The following STAG1 variants were observed in gnomAD, a reference collection of about 807,000 sequenced individuals.
The protein encoded by STAG1 is STAG1 cohesin complex component.
In STAG1, 26 loss-of-function variants were observed where a neutral mutation model predicts 170.9. The ratio of observed to expected loss-of-function variants is 0.15; its 90% CI spans 0.11 to 0.21. The LOEUF (loss-of-function observed/expected upper bound fraction) is 0.21, where lower values mean the gene tolerates loss of function less well. Among genes scored for constraint, STAG1 ranks in the 10% least tolerant of loss-of-function variants. STAG1 has a pLI of 1.00. For missense variants in STAG1, 964 were observed against 1,509.5 expected (o/e 0.64, Z 5.99); for synonymous variants, 514 against 497.7 (o/e 1.03, Z -0.44).
At chr3:136,382,840 G>T (rs1938051969) in intron 22 of STAG1, among the ~76,000 whole-genome samples, 1 of 152,148 alleles carries the variant, frequency 6.6e-6, no homozygotes, top group South Asian at 2.1e-4. Context: ...TAATTTAATT[G>T]TAACTATATT....
At chr3:136,466,732 A>G (rs1227458975) in intron 12 of STAG1, among the ~76,000 whole-genome samples, 1 of 152,202 alleles carries the variant, frequency 6.6e-6, no homozygotes, top group Non-Finnish European at 1.5e-5. Context: ...TGAAGGAAAA[A>G]ATGTTAAGGG....
rs1940308941 is a variant in STAG1, at chr3:136,630,976, G to A, written c.-78C>T. ...CAAAACTTTTAAAATAACCTCAAAG[G>A]CAATCCTGTCAATTAAAAAAAAGAA... is the stretch of plus-strand genomic sequence containing the variant. On this transcript the variant is annotated 5_prime_UTR_variant, in exon 2 of 34. Coordinates refer to ENST00000383202, the MANE Select transcript of STAG1 (RefSeq NM_005862.3). 1 of 1,296,122 alleles carries A rather than the reference G, an allele frequency of 7.7e-7. No homozygotes were observed. Among genetic ancestry groups the A allele is most frequent in the Non-Finnish European group, 1.1e-6 (1 of 949,200 alleles). 80.3% of individuals were successfully genotyped at this position (1,296,122 alleles called of 1,614,324 possible).
intron 5 of STAG1, among the ~76,000 whole-genome samples, chr3:136,558,284 A>G (rs1936702807): frequency 6.6e-6 from 1 of 151,998 alleles, no homozygotes; most frequent in Non-Finnish European, 1.5e-5. Flanking sequence ...CCCAGCTACT[A>G]GGGGGGCTGA....
At chr3:136,715,797 A>G (rs1943525673) in intron 1 of STAG1, among the ~76,000 whole-genome samples, 1 of 151,836 alleles carries the variant, frequency 6.6e-6, no homozygotes, top group Non-Finnish European at 1.5e-5. Flanking sequence ...TATAAAACAT[A>G]TATATAAACT....
intron 3 of STAG1, among the ~76,000 whole-genome samples, chr3:136,621,526 G>A (rs1183488521): frequency 6.6e-6 from 1 of 152,068 alleles, no homozygotes; most frequent in Non-Finnish European, 1.5e-5. Context: ...CCCAAAATAC[G>A]TTTGTAAAGA....
intron 16 of STAG1, among the ~76,000 whole-genome samples, chr3:136,424,174 T>C (rs2088042391): frequency 1.3e-5 from 2 of 152,176 alleles, no homozygotes. Flanking sequence ...ATCTACCAAC[T>C]ACTGTGTTTA....
At chr3:136,498,053 G>A (rs1933218359) in intron 9 of STAG1, among the ~76,000 whole-genome samples, 1 of 149,382 alleles carries the variant, frequency 6.7e-6, no homozygotes, top group South Asian at 2.1e-4. Context: ...TTAGCTGGGC[G>A]TGGCAGAGCA....
intron 27 of STAG1, 64 bp downstream of exon 27, chr3:136,359,084 A>C (rs1936762437): frequency 7.4e-7 from 1 of 1,348,800 alleles, no homozygotes; most frequent in Non-Finnish European, 1.0e-6. Context: ...GGGTCATATA[A>C]GAGTTATTTC....
At chr3:136,649,519 AAAAG>A (rs1365791154) in intron 1 of STAG1, among the ~76,000 whole-genome samples, 4 of 151,516 alleles carry the variant, frequency 2.6e-5, no homozygotes, top group African/African-American at 7.3e-5. Context: ...AAAAAAAAAA[AAAAG>A]AAAGGGTCCA....
chr3:136,663,923 C>G (rs1263699239), intron 1 of STAG1, among the ~76,000 whole-genome samples: 1 of 152,120 alleles, frequency 6.6e-6, no homozygotes, highest in Non-Finnish European at 1.5e-5. Flanking sequence ...TGGTTTAGGT[C>G]TTCCCAAAGG....
chr3:136,476,620 T>C (rs1290771940), intron 10 of STAG1, among the ~76,000 whole-genome samples: 2 of 152,162 alleles, frequency 1.3e-5, no homozygotes, highest in East Asian at 3.8e-4. Flanking sequence ...TCATGAAAAA[T>C]ACTTCAGAAA....
intron 13 of STAG1, among the ~76,000 whole-genome samples, chr3:136,463,451 A>C (rs1296048906): frequency 6.6e-6 from 1 of 152,218 alleles, no homozygotes; most frequent in East Asian, 1.9e-4. Context: ...AAGTTAGAAT[A>C]CATAATAAAC....
At position 136,504,519 on chromosome 3, in the gene STAG1, T is replaced by C. The variant is rs371588264; in HGVS notation, c.677-1740A>G. Among the ~76,000 whole-genome samples the C allele has an allele frequency of 3.9e-5, 6 of 152,276 alleles. No individual in the cohort carries two copies. The East Asian group carries it at 1.2e-3, about 29-fold the overall frequency. On this transcript the variant is annotated intron_variant, in intron 7 of 33. Transcript: ENST00000383202. Reference sequence around the variant, plus strand: ...GTATATTGGACTACACTATGAAAGTTTAAAATAATTTGTAAAATTAAACTG... The same window carrying C: ...GTATATTGGACTACACTATGAAAGTCTAAAATAATTTGTAAAATTAAACTG...
At chr3:136,478,439 C>A (rs1207310623) in intron 9 of STAG1, among the ~76,000 whole-genome samples, 4 of 152,206 alleles carry the variant, frequency 2.6e-5, no homozygotes, top group African/African-American at 9.6e-5. Context: ...GGTTATTAGC[C>A]TTAGCTTTAA....
intron 1 of STAG1, among the ~76,000 whole-genome samples, chr3:136,708,967 C>CTTT (rs61595071): frequency 0.058 from 5,000 of 85,896 alleles, 626 homozygotes; most frequent in Non-Finnish European, 0.073. Flanking sequence ...CTGCAGCTGG[C>CTTT]TTTTTTTTTT....
At chr3:136,548,757 C>T (rs1936264012) in intron 5 of STAG1, among the ~76,000 whole-genome samples, 1 of 152,076 alleles carries the variant, frequency 6.6e-6, no homozygotes, top group East Asian at 1.9e-4. Flanking sequence ...GGGTCTGTGT[C>T]CCCACTCAAA....
intron 1 of STAG1, among the ~76,000 whole-genome samples, chr3:136,694,856 G>C (rs1942836338): frequency 6.6e-6 from 1 of 152,096 alleles, no homozygotes; most frequent in African/African-American, 2.4e-5. Context: ...AAGAATAGTA[G>C]GGTAAGAAAT....
intron 1 of STAG1, among the ~76,000 whole-genome samples, chr3:136,670,932 G>A (rs1559941731): frequency 1.3e-5 from 2 of 152,038 alleles, no homozygotes; most frequent in African/African-American, 2.4e-5. Flanking sequence ...ATCTGTATAT[G>A]CCAGAAATTA....
chr3:136,693,735 A>AT (rs200746613), intron 1 of STAG1, among the ~76,000 whole-genome samples: 190 of 150,442 alleles, frequency 1.3e-3, no homozygotes, highest in Admixed American at 2.5e-3. Context: ...TACTCAGCTA[A>AT]TTATTTTTTT....
Sources: allele counts gnomAD v4.1 joint callset (sites outside exome capture counted in the v4.1 genomes callset), GRCh38; gene constraint gnomAD v4.1.1; transcripts MANE v1.5; gene names NCBI Gene and HGNC (gene_info 2026-07-23, HGNC 2026-07-21).